The following CRAMP1 variants were observed in gnomAD, a reference collection of about 807,000 sequenced individuals.
CRAMP1 encodes cramped chromatin regulator 1.
A neutral mutation model predicts 115.4 loss-of-function variants in CRAMP1; 50 were observed. The observed-to-expected ratio is 0.43, with a 90% CI of 0.35 to 0.55. The LOEUF (loss-of-function observed/expected upper bound fraction) is 0.55, where lower values mean the gene tolerates loss of function less well. Ranked by LOEUF, CRAMP1 falls within the 20% of genes least tolerant of loss-of-function variation. The pLI is 0.01. For synonymous variants in CRAMP1, 866 were observed against 745.4 expected (o/e 1.16, Z -2.64); for missense variants, 1,679 against 1,721.7 (o/e 0.98, Z 0.44).
intron 6 of CRAMP1, among the ~76,000 whole-genome samples, chr16:1,642,549 C>G (rs2036641426): frequency 6.6e-6 from 1 of 152,230 alleles, no homozygotes; most frequent in African/African-American, 2.4e-5. Context: ...GGCGCCCCTC[C>G]CAGCTTCAGA....
intron 2 of CRAMP1, among the ~76,000 whole-genome samples, chr16:1,619,584 A>T (rs547193666): frequency 1.5e-4 from 23 of 152,232 alleles, no homozygotes; most frequent in Non-Finnish European, 2.5e-4. Flanking sequence ...TACCTACAGG[A>T]TACAATTAGA....
chr16:1,673,594 G>T (rs2036941064), intron 20 of CRAMP1, among the ~76,000 whole-genome samples: 1 of 152,232 alleles, frequency 6.6e-6, no homozygotes, highest in African/African-American at 2.4e-5. Flanking sequence ...TCTACCTGTT[G>T]GGTGTCTTCC....
intron 2 of CRAMP1, among the ~76,000 whole-genome samples, chr16:1,620,311 G>A (rs755370366): frequency 1.3e-5 from 2 of 152,186 alleles, no homozygotes; most frequent in Admixed American, 6.5e-5. Context: ...TGCTGCAGAC[G>A]TAGGCCATGA....
intron 10 of CRAMP1, among the ~76,000 whole-genome samples, chr16:1,659,442 G>A (rs942926490): frequency 6.6e-6 from 1 of 151,940 alleles, no homozygotes; most frequent in African/African-American, 2.4e-5. Context: ...CCAGGCTGGA[G>A]TGCAGTGGTG....
At chr16:1,662,416 CA>C in intron 11 of CRAMP1, 73 bp from the exon 12 acceptor site, 1 of 1,255,796 alleles carries the variant, frequency 8.0e-7, no homozygotes. Flanking sequence ...ACTTTCTTCC[CA>C]ACGGAATTCC....
chr16:1,612,678 G>T (rs2036364409), intron 1 of CRAMP1, among the ~76,000 whole-genome samples, 21 bp downstream of exon 1: 1 of 152,138 alleles, frequency 6.6e-6, no homozygotes, highest in East Asian at 1.9e-4. Context: ...CTGGGCGGCG[G>T]GGCTGTCATG....
intron 4 of CRAMP1, among the ~76,000 whole-genome samples, chr16:1,634,126 G>A (rs1348557155): frequency 2.0e-5 from 3 of 152,188 alleles, no homozygotes; most frequent in East Asian, 1.9e-4. Flanking sequence ...GGCCAGCAGC[G>A]GAGGGGACTG....
rs753174131 is a variant in CRAMP1, at chr16:1,666,903, C to T, written c.3036+303C>T. Reference sequence around the variant, plus strand: ...AGGTGGCAGCCCACAGCGCTGTGCTCGGACACCACTGAGCATCTCTTTCAT... The same window carrying T: ...AGGTGGCAGCCCACAGCGCTGTGCTTGGACACCACTGAGCATCTCTTTCAT... On this transcript the variant is annotated intron_variant, in intron 16 of 20. Transcript: ENST00000397412. The surrounding 1 kb of genome is among the most constrained non-coding windows in gnomAD (Gnocchi z 5.0). Among the ~76,000 whole-genome samples the T allele has an allele frequency of 3.3e-5, 5 of 152,252 alleles. No homozygotes were observed. Among genetic ancestry groups the T allele is most frequent in the Non-Finnish European group, 5.9e-5 (4 of 68,046 alleles).
rs1407889881 is a variant in CRAMP1, at chr16:1,666,445, A to C, written c.2881A>C (p.Ser961Arg). The C allele has an allele frequency of 1.2e-6, 2 of 1,613,534 alleles. No homozygotes were observed. The highest frequency in any genetic ancestry group is 4.5e-5 in the East Asian group (2 of 44,862). The change falls in exon 16 of 21, where the codon AGT becomes CGT. Residue 961 changes from serine (S) to arginine (R), a missense_variant. By Grantham distance (110) the Ser-to-Arg change is moderately radical (BLOSUM62 -1). Coordinates refer to ENST00000397412, the MANE Select transcript of CRAMP1 (RefSeq NM_020825.4). The surrounding 1 kb of genome is among the most constrained non-coding windows in gnomAD (Gnocchi z 5.0). Reference protein sequence around the residue: ...LASAIDLAATSAGILSGNPLP... With the variant: ...LASAIDLAATRAGILSGNPLP... ...AGGTGCTATCGACTTAGCAGCTACA[A>C]GTGCCGGCATCCTTTCCGGGAACCC...
At position 1,677,658 on chromosome 16, in the gene CRAMP1, G is replaced by T. The variant is rs953266314; in HGVS notation, c.*3613G>T. ...TTAAGCCATAGCGAGGCCTCCGCTC[G>T]TTTCAGATATGAATTTGTTTTATAG... On this transcript the variant is annotated 3_prime_UTR_variant, in exon 21 of 21. Coordinates refer to ENST00000397412, the MANE Select transcript of CRAMP1 (RefSeq NM_020825.4). 6.6e-6 allele frequency: 1 copy of T among 152,520 alleles called. No homozygotes were observed. The highest frequency in any genetic ancestry group is 1.5e-5 in the Non-Finnish European group (1 of 68,046). 9.4% of individuals were successfully genotyped at this position (152,520 alleles called of 1,614,324 possible). A position where few individuals can be genotyped will look rare whatever the true frequency, so the allele number is the denominator to read the frequency against.
rs1023441961 is a variant in CRAMP1, at chr16:1,665,005, T to C, written c.2671-52T>C. Reference sequence around the variant, plus strand: ...GACATTCCTTTGTAACTGGGAGTGATTTTTTGGTATGGGAGTTTCATCACC... The same window carrying C: ...GACATTCCTTTGTAACTGGGAGTGACTTTTTGGTATGGGAGTTTCATCACC... On this transcript the variant is annotated intron_variant, in intron 13 of 20. Transcript: ENST00000397412. The C allele has an allele frequency of 7.1e-6, 9 of 1,272,924 alleles. No homozygotes were observed. In the Admixed American group the frequency reaches 1.4e-4, roughly 19 times the overall value. The allele number at this position is 1,272,924 out of a possible 1,614,324, so 78.9% of individuals were successfully genotyped here.
intron 4 of CRAMP1, among the ~76,000 whole-genome samples, chr16:1,636,371 CAAA>C (rs567829484): frequency 8.0e-6 from 1 of 124,346 alleles, no homozygotes; most frequent in African/African-American, 3.0e-5. Flanking sequence ...AACTCTGTCT[CAAA>C]AAAAAAAAAA....
At chr16:1,620,252 C>T (rs951420037) in intron 2 of CRAMP1, among the ~76,000 whole-genome samples, 2 of 152,210 alleles carry the variant, frequency 1.3e-5, no homozygotes, top group Non-Finnish European at 2.9e-5. Context: ...TGGACCTCTG[C>T]AGTTTCTGCG....
rs779925549 is a variant in CRAMP1 at position 1,632,378 on chromosome 16, C to T, written c.694+13C>T. 2.1e-5 allele frequency: 33 copies of T among 1,579,252 alleles called. No homozygotes were observed. In the Middle Eastern group the frequency reaches 5.0e-4, roughly 24 times the overall value. ...GACTTTGATCATGGTGAGTGTGCCA[C>T]GGGCCAGGCTCGGGGGTGCCCACAG... is the stretch of plus-strand genomic sequence containing the variant. On this transcript the variant is annotated intron_variant, in intron 4 of 20. Transcript: ENST00000397412.
Position 1,632,965 on chromosome 16 carries a change from G to A in CRAMP1, c.694+600G>A, listed in dbSNP as rs146006613. Among the ~76,000 whole-genome samples the A allele has an allele frequency of 7.6e-3, 1,163 of 152,252 alleles. 5 individuals are homozygous for A. The highest frequency in any genetic ancestry group is 0.012 in the Non-Finnish European group (819 of 68,014). Reference sequence around the variant, plus strand: ...GGAGTCTTAGCTGCCTCCTGCCTCCGCCTATGAGAACTACCTCTCCAGCAG... The same window carrying A: ...GGAGTCTTAGCTGCCTCCTGCCTCCACCTATGAGAACTACCTCTCCAGCAG... On this transcript the variant is annotated intron_variant, in intron 4 of 20. Transcript: ENST00000397412.
intron 6 of CRAMP1, among the ~76,000 whole-genome samples, chr16:1,641,696 G>C (rs2036633529): frequency 6.6e-6 from 1 of 152,176 alleles, no homozygotes; most frequent in African/African-American, 2.4e-5. Context: ...CAAACAACCG[G>C]GCCCCTGATG....
Position 1,669,894 on chromosome 16 carries a change from ACCCAGCACCCTGCAGGCGTTT to A in CRAMP1, c.3499+732_3500-747del, listed in dbSNP as rs1481236214. ...ACCTGGGTCTGGGAGGTGCTGAGGG[ACCCAGCACCCTGCAGGCGTTT>A]CCTTTTGTCTCATGTAGCAGTGCAG... On this transcript the variant is annotated intron_variant, in intron 19 of 20. Transcript: ENST00000397412. The surrounding 1 kb of genome is among the most constrained non-coding windows in gnomAD (Gnocchi z 4.6). Among the ~76,000 whole-genome samples the A allele has an allele frequency of 6.6e-6, 1 of 152,052 alleles. No individual in the cohort carries two copies. Among genetic ancestry groups the A allele is most frequent in the Non-Finnish European group, 1.5e-5 (1 of 68,008 alleles).
intron 11 of CRAMP1, among the ~76,000 whole-genome samples, chr16:1,660,405 T>G (rs1170770509): frequency 1.3e-5 from 2 of 152,210 alleles, no homozygotes; most frequent in East Asian, 3.9e-4. Context: ...GAAGGTTGTT[T>G]TTTTTCTGTT....
At chr16:1,633,606 T>TC (rs1213054142) in intron 4 of CRAMP1, among the ~76,000 whole-genome samples, 1 of 152,228 alleles carries the variant, frequency 6.6e-6, no homozygotes, top group Non-Finnish European at 1.5e-5. Context: ...AGCTCACTTG[T>TC]TTATTTGAAA....
Sources: gnomAD v4.1 joint callset for allele counts (sites outside exome capture counted in the v4.1 genomes callset) on GRCh38, gnomAD v4.1.1 for gene constraint, Gnocchi (gnomAD v3.1) non-coding constraint, MANE v1.5 for transcripts, NCBI Gene and HGNC (gene_info 2026-07-23, HGNC 2026-07-21) for gene names.